Variants in PKHD1L1 observed in about 807,000 individuals in gnomAD.
PKHD1L1 encodes the protein fibrocystin-L.
PKHD1L1 carries 434 observed loss-of-function variants against 462.9 expected under a neutral mutation model. That is an observed-to-expected ratio of 0.94 (90% CI 0.87 to 1.02). PKHD1L1 has a LOEUF of 1.02. Among genes scored for constraint, PKHD1L1 ranks in the 50% least tolerant of loss-of-function variants. The pLI is 0.00. For missense variants in PKHD1L1, 5,202 were observed against 5,096.1 expected, an observed-to-expected ratio of 1.02 and a Z score of -0.63; for synonymous variants, 1,781 against 1,750.0, an observed-to-expected ratio of 1.02 and a Z score of -0.44.
chr8:109,465,570 A>C (rs1395623229), intron 49 of PKHD1L1, among the ~76,000 whole-genome samples: 2 of 152,208 alleles, frequency 1.3e-5, no homozygotes, highest in Non-Finnish European at 2.9e-5. Flanking sequence ...GAATGCCTCC[A>C]TTTTAAACTC....
intron 10 of PKHD1L1, among the ~76,000 whole-genome samples, chr8:109,395,713 G>A (rs1368326211): frequency 1.3e-5 from 2 of 152,142 alleles, no homozygotes; most frequent in African/African-American, 2.4e-5. Flanking sequence ...TGGAAGAAGA[G>A]GTGGTTCTAC....
In PKHD1L1 at chr8:109,384,101, G is replaced by A. The variant is rs1812306961; in HGVS notation, c.449G>A (p.Ser150Asn). The A allele has an allele frequency of 2.5e-6, 4 of 1,611,174 alleles. No homozygotes were observed. Among genetic ancestry groups the A allele is most frequent in the African/African-American group, 2.7e-5 (2 of 74,808 alleles). The change falls in exon 5 of 78, where the codon AGC becomes AAC. Residue 150 changes from serine (S) to asparagine (N), a missense_variant. Coordinates refer to ENST00000378402, the MANE Select transcript of PKHD1L1 (RefSeq NM_177531.6). ...AGTTTTAGAACCCCAACAATAAGAA[G>A]CATCACACCTTTATCTGGAACTCCA... ...AKSFRTPTIR[S>N]ITPLSGTPGT...
chr8:109,496,733 A>G (rs1327191834), intron 63 of PKHD1L1, among the ~76,000 whole-genome samples, 186 bp from the exon 64 acceptor site: 1 of 152,234 alleles, frequency 6.6e-6, no homozygotes. Flanking sequence ...ACATTTAAAG[A>G]AAAACACTAA....
chr8:109,501,932 G>A (rs1261046788), intron 67 of PKHD1L1, among the ~76,000 whole-genome samples: 1 of 151,962 alleles, frequency 6.6e-6, no homozygotes, highest in Non-Finnish European at 1.5e-5. Context: ...AACCAGCTAA[G>A]CCACTCATCA....
Position 109,481,497 on chromosome 8 carries a change from G to A in PKHD1L1, c.9392G>A (p.Arg3131Lys). The change falls in exon 56 of 78, where the codon AGA becomes AAA. Residue 3131 changes from arginine to lysine, a missense_variant. Arg to Lys is a conservative substitution (Grantham distance 26). Around this residue, in one of 3 missense-constraint regions of PKHD1L1, gnomAD observed 4,497 missense variants for 4,336.8 expected, o/e 1.04. Transcript: ENST00000378402. ...AAAGGAGACTTAAAGATTGTTCTTA[G>A]AGGAAATCATACTACACAAGACTGG... ...PFKGDLKIVL[R>K]GNHTTQDWAL... 3 of 1,597,336 alleles carry A rather than the reference G, an allele frequency of 1.9e-6. No individual in the cohort carries two copies. The highest frequency in any genetic ancestry group is 2.3e-5 in the East Asian group (1 of 44,330).
chr8:109,492,032 T>C (rs1327438917), intron 62 of PKHD1L1, 38 bp downstream of exon 62: 98 of 1,341,904 alleles, frequency 7.3e-5, no homozygotes, highest in Non-Finnish European at 9.1e-5. Flanking sequence ...TAATTTATAA[T>C]TATATCAGTT....
intron 76 of PKHD1L1, among the ~76,000 whole-genome samples, chr8:109,525,937 A>G (rs1472926095): frequency 6.6e-6 from 1 of 152,206 alleles, no homozygotes; most frequent in African/African-American, 2.4e-5. Flanking sequence ...GAAAACAGGA[A>G]TGACTTTTTA....
chr8:109,422,867 T>C (rs1350104017), intron 23 of PKHD1L1, among the ~76,000 whole-genome samples: 2 of 152,226 alleles, frequency 1.3e-5, no homozygotes, highest in Non-Finnish European at 2.9e-5. Flanking sequence ...TGCACAATCT[T>C]GCCAGTGTTT....
chr8:109,442,728 A>G (rs553845249), intron 35 of PKHD1L1, among the ~76,000 whole-genome samples: 3 of 152,214 alleles, frequency 2.0e-5, no homozygotes, highest in Non-Finnish European at 2.9e-5. Flanking sequence ...TAGAAAATCA[A>G]TGCCGGAACT....
Position 109,452,200 on chromosome 8 carries a change from A to G in PKHD1L1, c.6427A>G (p.Ile2143Val), listed in dbSNP as rs201702494. Residue 2143 changes from isoleucine (I) to valine (V), a missense_variant, in exon 42 of 78, where the codon ATC becomes GTC. Around this residue, in one of 3 missense-constraint regions of PKHD1L1, gnomAD observed 4,497 missense variants for 4,336.8 expected, o/e 1.04. Coordinates refer to ENST00000378402, the MANE Select transcript of PKHD1L1 (RefSeq NM_177531.6). ...TGAGTATTCCAACAAGACACACATC[A>G]TCTGCATGACAGATGCCCATACTCT... ...DVEYSNKTHI[I>V]CMTDAHTLSG... 170 of 1,613,512 alleles carry G rather than the reference A, an allele frequency of 1.1e-4. 1 individual carries two copies. In the African/African-American group the frequency reaches 1.9e-3, roughly 18 times the overall value.
At chr8:109,438,084 G>A (rs780773154) in intron 30 of PKHD1L1, among the ~76,000 whole-genome samples, 19 of 152,156 alleles carry the variant, frequency 1.2e-4, no homozygotes, top group Non-Finnish European at 2.2e-4. Context: ...TAATATAGAT[G>A]CATTTAAATT....
At chr8:109,482,328 AG>A (rs1818311911) in intron 56 of PKHD1L1, among the ~76,000 whole-genome samples, 1 of 151,880 alleles carries the variant, frequency 6.6e-6, no homozygotes, top group Non-Finnish European at 1.5e-5. Context: ...CTTAAAAAAA[AG>A]TATGTGCTTT....
Position 109,396,099 on chromosome 8 carries a change from T to G in PKHD1L1, c.884T>G (p.Phe295Cys). Residue 295 changes from phenylalanine to cysteine, a missense_variant, in exon 11 of 78, where the codon TTT becomes TGT. Phe to Cys is a radical substitution (Grantham distance 205, BLOSUM62 -2). Coordinates refer to ENST00000378402, the MANE Select transcript of PKHD1L1 (RefSeq NM_177531.6). Reference protein sequence around the residue: ...GTTLTISGRFFDQTDFPVRVL... With the variant: ...GTTLTISGRFCDQTDFPVRVL... ...ACGCTGACAATAAGTGGGCGTTTCT[T>G]TGATCAGACAGATTTCCCCGTCAGA... The G allele has an allele frequency of 1.2e-6, 2 of 1,609,202 alleles. No homozygotes were observed. Among genetic ancestry groups the G allele is most frequent in the Non-Finnish European group, 1.7e-6 (2 of 1,177,970 alleles).
chr8:109,434,893 T>G (rs57783360), intron 28 of PKHD1L1, among the ~76,000 whole-genome samples: 3 of 146,724 alleles, frequency 2.0e-5, no homozygotes, highest in Non-Finnish European at 4.4e-5. Context: ...GTTTTTTTTT[T>G]AAAAAAATTA....
intron 38 of PKHD1L1, 24 bp downstream of exon 38, chr8:109,445,669 T>C (rs1816096535): frequency 1.9e-6 from 3 of 1,545,228 alleles, no homozygotes; most frequent in African/African-American, 1.4e-5. Context: ...TGCCTTATTA[T>C]CTTGATATTA....
chr8:109,480,189 AT>A, intron 55 of PKHD1L1, 50 bp downstream of exon 55: 1 of 1,483,308 alleles, frequency 6.7e-7, no homozygotes, highest in Non-Finnish European at 9.0e-7. Context: ...TAATTCTAAA[AT>A]GTGTATTTAC....
At chr8:109,471,670 C>T (rs954323674) in intron 50 of PKHD1L1, among the ~76,000 whole-genome samples, 5 of 152,108 alleles carry the variant, frequency 3.3e-5, no homozygotes, top group Admixed American at 6.6e-5. Context: ...TCACAAAATG[C>T]GCTTCTATTT....
chr8:109,433,309 A>T, intron 28 of PKHD1L1, 93 bp downstream of exon 28: 1 of 1,063,388 alleles, frequency 9.4e-7, no homozygotes. Context: ...GATCGTGTAC[A>T]ATTATCATGA....
At position 109,504,451 on chromosome 8, in the gene PKHD1L1, C is replaced by A. The variant is rs1228016186; in HGVS notation, c.10953C>A (p.Thr3651=). Residue 3651 remains threonine, a synonymous_variant, in exon 68 of 78, where the codon ACC becomes ACA. Coordinates refer to ENST00000378402, the MANE Select transcript of PKHD1L1 (RefSeq NM_177531.6). ...IHVKNIKLVD[T]TEQSKIFIHR... ...TGAAGAATATAAAACTGGTTGATAC[C>A]ACTGAACAATCAAAAATATTTATAC... 7.8e-6 allele frequency: 12 copies of A among 1,546,932 alleles called. No homozygotes were observed. The highest frequency in any genetic ancestry group is 1.0e-5 in the Non-Finnish European group (12 of 1,143,504).
Sources: gnomAD v4.1 joint callset for allele counts (sites outside exome capture counted in the v4.1 genomes callset) on GRCh38, gnomAD v4.1.1 for gene constraint, gnomAD v4.1.1 regional missense constraint, MANE v1.5 for transcripts, NCBI Gene and HGNC (gene_info 2026-07-23, HGNC 2026-07-21) for gene names.